The following TMEM14A variants were observed in gnomAD, a reference collection of about 807,000 sequenced individuals.
TMEM14A encodes transmembrane protein 14A.
In TMEM14A, 8 loss-of-function variants were observed where a neutral mutation model predicts 11.6. The ratio of observed to expected loss-of-function variants is 0.69; its 90% CI spans 0.40 to 1.24. The LOEUF (loss-of-function observed/expected upper bound fraction) is 1.24, where lower values mean the gene tolerates loss of function less well. Ranked by LOEUF, TMEM14A falls within the 50% of genes most tolerant of loss-of-function variation. TMEM14A has a pLI of 0.01. For synonymous variants in TMEM14A, 34 were observed against 45.5 expected, an observed-to-expected ratio of 0.75 and a Z score of 1.02; for missense variants, 108 against 121.9, an observed-to-expected ratio of 0.89 and a Z score of 0.54.
chr6:52,680,611 A>G (rs1292685160), intron 2 of TMEM14A, among the ~76,000 whole-genome samples: 10 of 107,522 alleles, frequency 9.3e-5, no homozygotes, highest in East Asian at 5.4e-4. Flanking sequence ...ATATATATAT[A>G]TGTATATATA....
At chr6:52,680,709 A>ATATATGTG (rs1769374199) in intron 2 of TMEM14A, among the ~76,000 whole-genome samples, 1 of 121,652 alleles carries the variant, frequency 8.2e-6, no homozygotes, top group Non-Finnish European at 1.8e-5. Flanking sequence ...ATATATACAC[A>ATATATGTG]TATATATATG....
At chr6:52,679,633 C>G (rs535743515) in intron 2 of TMEM14A, among the ~76,000 whole-genome samples, 19 of 152,308 alleles carry the variant, frequency 1.2e-4, no homozygotes, top group African/African-American at 4.6e-4. Context: ...GTAGCCCCCA[C>G]TATGGGTCAC....
intron 1 of TMEM14A, among the ~76,000 whole-genome samples, chr6:52,671,737 C>T (rs1037499028): frequency 5.9e-5 from 9 of 152,344 alleles, no homozygotes; most frequent in African/African-American, 1.9e-4. Context: ...AGGCTGTCCC[C>T]TGTCACCTTG....
rs112360745 is a variant in TMEM14A, at chr6:52,683,825, G to GA, written c.173-252dup. Among the ~76,000 whole-genome samples, 7 of 152,284 alleles carry GA rather than the reference G, an allele frequency of 4.6e-5. 1 individual carries two copies. The highest frequency in any genetic ancestry group is 1.7e-4 in the African/African-American group (7 of 41,566). On this transcript the variant is annotated intron_variant, in intron 3 of 4. Coordinates refer to ENST00000211314, the MANE Select transcript of TMEM14A (RefSeq NM_014051.4). ...AGACGAGGTTTCTCCATGTTGGTCA[G>GA]ACTGGCCTCAAACTCCCAACATCAG...
chr6:52,678,903 A>G (rs531512755), intron 2 of TMEM14A, among the ~76,000 whole-genome samples: 144 of 152,300 alleles, frequency 9.5e-4, no homozygotes, highest in South Asian at 4.1e-3. Flanking sequence ...CTAAGCTGCC[A>G]GTGGCTCGAA....
chr6:52,680,667 G>GTGTATATATATATATACATATA (rs1474252016), intron 2 of TMEM14A, among the ~76,000 whole-genome samples: 2 of 24,908 alleles, frequency 8.0e-5, no homozygotes, highest in Non-Finnish European at 1.8e-4. Flanking sequence ...GTATATATAT[G>GTGTATATATATATATACATATA]TGTATATATA....
chr6:52,677,292 C>A, intron 2 of TMEM14A, 120 bp downstream of exon 2: 1 of 1,070,514 alleles, frequency 9.3e-7, no homozygotes, highest in Non-Finnish European at 1.4e-6. Context: ...TGGCTGAAGA[C>A]CAGCGTGTCT....
At chr6:52,684,388 A>G (rs1010294869) in intron 4 of TMEM14A, among the ~76,000 whole-genome samples, 2 of 152,228 alleles carry the variant, frequency 1.3e-5, no homozygotes, top group Non-Finnish European at 2.9e-5. Context: ...ATCTGGTCAC[A>G]TAGGCATACT....
intron 2 of TMEM14A, among the ~76,000 whole-genome samples, chr6:52,680,444 A>G (rs974676847): frequency 6.6e-6 from 1 of 151,082 alleles, no homozygotes; most frequent in African/African-American, 2.4e-5. Context: ...GGGAAGCACT[A>G]AGGTTTTTAA....
At chr6:52,684,808 A>G (rs574220371) in intron 4 of TMEM14A, among the ~76,000 whole-genome samples, 4 of 152,238 alleles carry the variant, frequency 2.6e-5, no homozygotes, top group Non-Finnish European at 5.9e-5. Flanking sequence ...ATTTATTCCA[A>G]AGCAGTGAGA....
chr6:52,683,492 A>G (rs1032985812), intron 3 of TMEM14A, among the ~76,000 whole-genome samples: 1 of 140,672 alleles, frequency 7.1e-6, no homozygotes, highest in African/African-American at 2.7e-5. Flanking sequence ...ACAAAAAAAA[A>G]AAAAAGAAAA....
intron 3 of TMEM14A, among the ~76,000 whole-genome samples, chr6:52,683,458 TCAACAA>T (rs569684284): frequency 7.0e-6 from 1 of 143,332 alleles, no homozygotes; most frequent in Non-Finnish European, 1.5e-5. Context: ...AGACTCTGTC[TCAACAA>T]CAACAACAAC....
intron 2 of TMEM14A, among the ~76,000 whole-genome samples, chr6:52,680,707 A>ATATATGTAT (rs1305349150): frequency 8.5e-6 from 1 of 118,324 alleles, no homozygotes; most frequent in Non-Finnish European, 1.8e-5. Flanking sequence ...ATATATATAC[A>ATATATGTAT]CATATATATA....
intron 1 of TMEM14A, among the ~76,000 whole-genome samples, chr6:52,671,797 G>A (rs1162888694): frequency 2.6e-5 from 4 of 152,204 alleles, no homozygotes. Context: ...TCCAAGATGC[G>A]TTTTAGTCCT....
intron 3 of TMEM14A, 76 bp from the exon 4 acceptor site, chr6:52,684,002 A>C (rs1769444787): frequency 7.3e-7 from 1 of 1,366,470 alleles, no homozygotes; most frequent in Non-Finnish European, 1.0e-6. Flanking sequence ...GAAAGCTTTA[A>C]ATGGTACCCG....
intron 2 of TMEM14A, among the ~76,000 whole-genome samples, chr6:52,679,488 G>A (rs1453976165): frequency 6.6e-6 from 1 of 152,110 alleles, no homozygotes; most frequent in Non-Finnish European, 1.5e-5. Context: ...CTATTTGGAC[G>A]ACCATAAGAG....
chr6:52,681,409 G>A (rs1769390188), intron 2 of TMEM14A, among the ~76,000 whole-genome samples: 1 of 152,142 alleles, frequency 6.6e-6, no homozygotes, highest in African/African-American at 2.4e-5. Flanking sequence ...AACTACCTTT[G>A]CATCTTAGTT....
chr6:52,677,223 T>C, intron 2 of TMEM14A, 51 bp downstream of exon 2: 1 of 1,588,336 alleles, frequency 6.3e-7, no homozygotes. Context: ...GGTTTGGAGG[T>C]TGTGCTAGGT....
At chr6:52,675,350 G>C (rs899242231) in intron 1 of TMEM14A, among the ~76,000 whole-genome samples, 1 of 152,158 alleles carries the variant, frequency 6.6e-6, no homozygotes, top group Non-Finnish European at 1.5e-5. Flanking sequence ...AAATATAGAC[G>C]TGAGAAAGCT....
Sources: gnomAD v4.1 joint callset for allele counts (sites outside exome capture counted in the v4.1 genomes callset) on GRCh38, gnomAD v4.1.1 for gene constraint, MANE v1.5 for transcripts, NCBI Gene and HGNC (gene_info 2026-07-23, HGNC 2026-07-21) for gene names.